The following GOLGA1 variants were observed in gnomAD, a reference collection of about 807,000 sequenced individuals.
GOLGA1 encodes the protein golgin subfamily A member 1.
In GOLGA1, 63 loss-of-function variants were observed where a neutral mutation model predicts 119.7. The observed-to-expected ratio is 0.53, with a 90% CI of 0.43 to 0.65. The LOEUF (loss-of-function observed/expected upper bound fraction) is 0.65. Among genes scored for constraint, GOLGA1 ranks in the 30% least tolerant of loss-of-function variants. The pLI is 0.00. For synonymous variants in GOLGA1, 318 were observed against 333.4 expected, an observed-to-expected ratio of 0.95 and a Z score of 0.50; for missense variants, 798 against 912.8, an observed-to-expected ratio of 0.87 and a Z score of 1.62.
At chr9:124,928,120 G>T in intron 6 of GOLGA1, 68 bp downstream of exon 6, 1 of 687,420 alleles carries the variant, frequency 1.5e-6, no homozygotes, top group Non-Finnish European at 2.6e-6. Flanking sequence ...GTTATGTCAT[G>T]ATTTTTGAAA....
At chr9:124,928,795 G>C (rs1225754945) in intron 5 of GOLGA1, among the ~76,000 whole-genome samples, 1 of 152,134 alleles carries the variant, frequency 6.6e-6, no homozygotes, top group African/African-American at 2.4e-5. Flanking sequence ...ATATGATTGA[G>C]GGTAGACTAC....
chr9:124,882,855 G>A (rs906010715), intron 19 of GOLGA1, among the ~76,000 whole-genome samples: 2 of 152,102 alleles, frequency 1.3e-5, no homozygotes, highest in South Asian at 2.1e-4. Context: ...ATCCCTTCCC[G>A]GGGGCTTGGT....
upstream of GOLGA1, among the ~76,000 whole-genome samples, chr9:124,941,733 TTGGA>T (rs1178496797): frequency 6.6e-6 from 1 of 152,202 alleles, no homozygotes; most frequent in Non-Finnish European, 1.5e-5. Flanking sequence ...GCTCACTATA[TTGGA>T]TTAGCTTCAC....
intron 1 of GOLGA1, chr9:124,947,771 CTA>C (rs1831170963): frequency 6.6e-6 from 1 of 152,222 alleles, no homozygotes; most frequent in Non-Finnish European, 1.5e-5. Context: ...TAAATACCCT[CTA>C]TGATTTCCAA....
At chr9:124,937,600 C>T (rs988441335) in intron 3 of GOLGA1, among the ~76,000 whole-genome samples, 34 of 150,070 alleles carry the variant, frequency 2.3e-4, no homozygotes, top group African/African-American at 7.9e-4. Context: ...CACTGCACTC[C>T]GGCCTGGCTG....
Position 124,928,235 on chromosome 9 carries a change from C to A in GOLGA1, c.352G>T (p.Ala118Ser). 6.2e-7 allele frequency: 1 copy of A among 1,608,818 alleles called. No homozygotes were observed. ...EQNETFQANR[A>S]KMAEGLALAL... ...AAAGCCAGTCCTTCTGCCATTTTGG[C>A]TCTGTTGGCTTGGAATGTCTCATTC... The change falls in exon 6 of 23, where the codon GCC becomes TCC. Residue 118 changes from alanine to serine, a missense_variant. Ala to Ser is a moderately conservative substitution (Grantham distance 99). Coordinates refer to ENST00000373555, the MANE Select transcript of GOLGA1 (RefSeq NM_002077.4).
intron 12 of GOLGA1, among the ~76,000 whole-genome samples, chr9:124,903,303 C>A (rs1380485437): frequency 3.3e-5 from 5 of 152,112 alleles, no homozygotes; most frequent in Non-Finnish European, 7.3e-5. Flanking sequence ...GCCTGGCCAA[C>A]ATGGCAAAAC....
Position 124,880,468 on chromosome 9 carries a change from G to C in GOLGA1, c.*62C>G. 1.1e-6 allele frequency: 1 copy of C among 889,138 alleles called. No homozygotes were observed. Among genetic ancestry groups the C allele is most frequent in the African/African-American group, 1.6e-5 (1 of 61,284 alleles). 55.1% of individuals were successfully genotyped at this position (889,138 alleles called of 1,614,324 possible). On this transcript the variant is annotated 3_prime_UTR_variant, in exon 23 of 23. Coordinates refer to ENST00000373555, the MANE Select transcript of GOLGA1 (RefSeq NM_002077.4). ...ATTAAAAACCCACCCAGACTGGTGT[G>C]TCAGTGTTCTTTTCACAGAAAAAGT... is the stretch of plus-strand genomic sequence containing the variant.
intron 19 of GOLGA1, among the ~76,000 whole-genome samples, chr9:124,886,957 C>G (rs1334652565): frequency 6.6e-6 from 1 of 152,068 alleles, no homozygotes; most frequent in East Asian, 1.9e-4. Context: ...TTCGAGGGGA[C>G]CTGAATGCCC....
upstream of GOLGA1, chr9:124,942,790 G>A (rs948657859): frequency 4.6e-5 from 7 of 152,052 alleles, no homozygotes; most frequent in Non-Finnish European, 8.8e-5. Flanking sequence ...CTCTAATCTC[G>A]TTATTCAATA....
In GOLGA1 at chr9:124,880,356, C is replaced by T. The variant is rs1340795918; in HGVS notation, c.*174G>A. On this transcript the variant is annotated 3_prime_UTR_variant, in exon 23 of 23. Transcript: ENST00000373555. ...CCAGAATGACAGGATCAGCTACCCC[C>T]TGAGGTTCAGGTCAGCCTGCAGGGA... is the stretch of plus-strand genomic sequence containing the variant. 1.9e-6 allele frequency: 1 copy of T among 513,106 alleles called. No homozygotes were observed. Among genetic ancestry groups the T allele is most frequent in the Non-Finnish European group, 3.7e-6 (1 of 273,952 alleles). The allele number at this position is 513,106 out of a possible 1,614,324, so 31.8% of individuals were successfully genotyped here. A position where few individuals can be genotyped will look rare whatever the true frequency, so the allele number is the denominator to read the frequency against.
At position 124,929,672 on chromosome 9, in the gene GOLGA1, C is replaced by T. The variant is rs368629244; in HGVS notation, c.227-382G>A. Among the ~76,000 whole-genome samples, 10 of 152,272 alleles carry T rather than the reference C, an allele frequency of 6.6e-5. No homozygotes were observed. The South Asian group carries it at 2.1e-3, about 32-fold the overall frequency. Reference sequence around the variant, plus strand: ...GCAGTAGGATAGATCAAAGTGAACTCACTAAACAGCTCGCTTATAGTCCAC... The same window carrying T: ...GCAGTAGGATAGATCAAAGTGAACTTACTAAACAGCTCGCTTATAGTCCAC... On this transcript the variant is annotated intron_variant, in intron 4 of 22. Transcript: ENST00000373555.
intron 11 of GOLGA1, among the ~76,000 whole-genome samples, chr9:124,911,339 C>T (rs930549303): frequency 2.0e-5 from 3 of 152,206 alleles, no homozygotes; most frequent in African/African-American, 7.2e-5. Flanking sequence ...CTAGGAGCCT[C>T]ATGACCTGGG....
At chr9:124,924,261 T>C (rs184847485) in intron 7 of GOLGA1, among the ~76,000 whole-genome samples, 5 of 152,176 alleles carry the variant, frequency 3.3e-5, no homozygotes, top group Non-Finnish European at 5.9e-5. Context: ...AGATTAAAAG[T>C]AGAACTGATT....
At chr9:124,940,423 G>A (rs1420327454) in intron 1 of GOLGA1, among the ~76,000 whole-genome samples, 1 of 152,170 alleles carries the variant, frequency 6.6e-6, no homozygotes, top group East Asian at 1.9e-4. Context: ...TTCTCCCTGG[G>A]AGCCCTGAGC....
At chr9:124,924,420 A>T (rs1830632782) in intron 7 of GOLGA1, among the ~76,000 whole-genome samples, 1 of 151,732 alleles carries the variant, frequency 6.6e-6, no homozygotes, top group African/African-American at 2.4e-5. Context: ...GGTTGAGCAC[A>T]GGAGTTGGAG....
chr9:124,931,373 A>G lies in GOLGA1; in HGVS notation c.169T>C (p.Ser57Pro). 1 of 1,598,074 alleles carries G rather than the reference A, an allele frequency of 6.3e-7. No homozygotes were observed. Among genetic ancestry groups the G allele is most frequent in the Non-Finnish European group, 8.6e-7 (1 of 1,165,462 alleles). The part of the protein sequence containing the change: ...SDGSSSREDL[S>P]SQLLRRNEQI... The stretch of plus-strand genomic sequence containing the variant: ...TCATTCCTTCTCAGAAGCTGGGATG[A>G]AAGATCTTCTCTGGAGCTGCTTCCA... The change falls in exon 4 of 23, where the codon TCA (serine) becomes CCA (proline). Residue 57 changes from serine (S) to proline (P), a missense_variant. Transcript: ENST00000373555.
Position 124,916,101 on chromosome 9 carries a change from CTAAATAAATAAA to C in GOLGA1, c.844-4087_844-4076del, listed in dbSNP as rs5900631. Among the ~76,000 whole-genome samples, 41 of 144,320 alleles carry C rather than the reference CTAAATAAATAAA, an allele frequency of 2.8e-4. 1 individual carries two copies. In the South Asian group the frequency reaches 8.4e-3, roughly 30 times the overall value. The allele number at this position is 144,320 out of a possible 152,430, so 94.7% of individuals were successfully genotyped here. On this transcript the variant is annotated intron_variant, in intron 10 of 22. Coordinates refer to ENST00000373555, the MANE Select transcript of GOLGA1 (RefSeq NM_002077.4). ...TGGGCAACAGAGCAAGACTGTATCTCTAAATAAATAAATAAATAAATAAATAAATACATAAAT... is the reference window on the plus strand; with the variant it reads ...TGGGCAACAGAGCAAGACTGTATCTCTAAATAAATAAATAAATACATAAAT...
intron 2 of GOLGA1, among the ~76,000 whole-genome samples, chr9:124,939,687 C>T (rs1378674088): frequency 1.3e-5 from 2 of 151,180 alleles, no homozygotes; most frequent in Non-Finnish European, 2.9e-5. Flanking sequence ...CTCAGCCTCC[C>T]GAGTAGCTGG....
Sources: gnomAD v4.1 joint callset for allele counts (sites outside exome capture counted in the v4.1 genomes callset) on GRCh38, gnomAD v4.1.1 for gene constraint, MANE v1.5 for transcripts, NCBI Gene and HGNC (gene_info 2026-07-23, HGNC 2026-07-21) for gene names.